The following EYA1 variants were observed in gnomAD, a reference collection of about 807,000 sequenced individuals.
EYA1 encodes the protein protein phosphatase EYA1.
Under a neutral mutation model 82.0 loss-of-function variants are expected in EYA1, and 16 were observed. The ratio of observed to expected loss-of-function variants is 0.20; its 90% CI spans 0.13 to 0.30. The LOEUF (loss-of-function observed/expected upper bound fraction) is 0.30. EYA1 is among the 10% of genes least tolerant of loss of function. The probability of loss-of-function intolerance (pLI) is 1.00; values close to 1 mark genes in which losing one functional copy is unlikely to be tolerated. For missense variants in EYA1, 633 were observed against 730.7 expected, an observed-to-expected ratio of 0.87 and a Z score of 1.54; for synonymous variants, 261 against 264.4, an observed-to-expected ratio of 0.99 and a Z score of 0.12.
intron 2 of EYA1, among the ~76,000 whole-genome samples, chr8:71,369,874 T>A (rs1827982163): frequency 6.6e-6 from 1 of 152,190 alleles, no homozygotes. Context: ...TAGGGCATTA[T>A]CATTATAGGA....
intron 2 of EYA1, among the ~76,000 whole-genome samples, chr8:71,399,003 C>A (rs776293839): frequency 2.6e-5 from 4 of 152,194 alleles, no homozygotes; most frequent in Non-Finnish European, 5.9e-5. Flanking sequence ...GGCAGATGCC[C>A]CTCCGACAGC....
At chr8:71,510,452 A>C (rs1676427340) in intron 2 of EYA1, among the ~76,000 whole-genome samples, 1 of 152,194 alleles carries the variant, frequency 6.6e-6, no homozygotes, top group African/African-American at 2.4e-5. Context: ...TAAAGAAAAG[A>C]GGCTTAATTG....
intron 2 of EYA1, among the ~76,000 whole-genome samples, chr8:71,433,455 A>T (rs1395208718): frequency 6.6e-6 from 1 of 152,186 alleles, no homozygotes; most frequent in Non-Finnish European, 1.5e-5. Context: ...AATGAGGAAA[A>T]TATCCAGTCC....
intron 3 of EYA1, among the ~76,000 whole-genome samples, chr8:71,347,687 T>C (rs917061011): frequency 6.6e-6 from 1 of 152,152 alleles, no homozygotes; most frequent in Non-Finnish European, 1.5e-5. Flanking sequence ...CAAAAAGGAT[T>C]CTTTCCACTT....
intron 4 of EYA1, among the ~76,000 whole-genome samples, chr8:71,328,231 G>T (rs2129040263): frequency 6.6e-6 from 1 of 152,282 alleles, no homozygotes; most frequent in Admixed American, 6.5e-5. Flanking sequence ...ACAGCTTGGA[G>T]TTAAGGGCTT....
intron 2 of EYA1, among the ~76,000 whole-genome samples, chr8:71,398,692 G>C (rs901620999): frequency 6.6e-6 from 1 of 152,228 alleles, no homozygotes; most frequent in Non-Finnish European, 1.5e-5. Context: ...TGTATGAGCT[G>C]TCAGTCAGTC....
chr8:71,454,415 G>A (rs1438264615), intron 2 of EYA1, among the ~76,000 whole-genome samples: 1 of 152,174 alleles, frequency 6.6e-6, no homozygotes, highest in African/African-American at 2.4e-5. Flanking sequence ...TCTGCACCAA[G>A]CGGACTTAAT....
At chr8:71,322,813 G>A (rs1019547736) in intron 4 of EYA1, among the ~76,000 whole-genome samples, 3 of 152,124 alleles carry the variant, frequency 2.0e-5, no homozygotes, top group Non-Finnish European at 4.4e-5. Flanking sequence ...GTAAAAATGC[G>A]TTCCTATAAC....
At chr8:71,384,297 G>A (rs746182557) in intron 2 of EYA1, among the ~76,000 whole-genome samples, 3 of 152,086 alleles carry the variant, frequency 2.0e-5, no homozygotes, top group African/African-American at 7.2e-5. Flanking sequence ...CTCTGTGTAC[G>A]TTTCTTCTTC....
At chr8:71,476,517 G>A (rs1809677386) in intron 2 of EYA1, among the ~76,000 whole-genome samples, 1 of 151,888 alleles carries the variant, frequency 6.6e-6, no homozygotes, top group Non-Finnish European at 1.5e-5. Context: ...ATTCAACCAA[G>A]GAAGGTCAAG....
At chr8:71,363,417 A>G (rs1288110107), upstream of EYA1, among the ~76,000 whole-genome samples, 1 of 152,170 alleles carries the variant, frequency 6.6e-6, no homozygotes, top group Non-Finnish European at 1.5e-5. Flanking sequence ...AGAAAAGAAC[A>G]CTTTGTCAAA....
intron 2 of EYA1, among the ~76,000 whole-genome samples, chr8:71,471,503 T>A (rs1284608732): frequency 6.6e-6 from 1 of 152,064 alleles, no homozygotes; most frequent in Non-Finnish European, 1.5e-5. Context: ...GACATCTATA[T>A]GTAGATGATC....
chr8:71,210,096 G>T (rs2128831386), intron 17 of EYA1, among the ~76,000 whole-genome samples: 1 of 152,292 alleles, frequency 6.6e-6, no homozygotes, highest in African/African-American at 2.4e-5. Flanking sequence ...GACAAGGAAA[G>T]GGAAACAGAG....
intron 2 of EYA1, among the ~76,000 whole-genome samples, chr8:71,388,395 A>G (rs575344545): frequency 1.2e-4 from 18 of 152,322 alleles, no homozygotes; most frequent in African/African-American, 3.1e-4. Context: ...GACAATAGAA[A>G]AAAGAAAGCC....
intron 2 of EYA1, among the ~76,000 whole-genome samples, chr8:71,390,270 T>TC (rs1829202361): frequency 6.6e-6 from 1 of 150,940 alleles, no homozygotes. Flanking sequence ...ATTGGATAAT[T>TC]CTTTTTTTTT....
At chr8:71,348,376 G>C (rs1024143594) in intron 3 of EYA1, among the ~76,000 whole-genome samples, 1 of 152,184 alleles carries the variant, frequency 6.6e-6, no homozygotes, top group South Asian at 2.1e-4. Flanking sequence ...TCCCAGGAGG[G>C]AACCAGAGGT....
chr8:71,220,185 C>G (rs775430410), intron 12 of EYA1, among the ~76,000 whole-genome samples: 2 of 152,124 alleles, frequency 1.3e-5, no homozygotes, highest in Non-Finnish European at 2.9e-5. Context: ...GAGTACAGAA[C>G]ATACATAATT....
chr8:71,369,539 G>A (rs1196223481), intron 2 of EYA1, among the ~76,000 whole-genome samples: 2 of 152,106 alleles, frequency 1.3e-5, no homozygotes, highest in African/African-American at 4.8e-5. Context: ...TTACCAAATT[G>A]GTATGTGGAT....
At chr8:71,440,320 T>C (rs1439571292) in intron 2 of EYA1, among the ~76,000 whole-genome samples, 5 of 152,188 alleles carry the variant, frequency 3.3e-5, no homozygotes, top group Non-Finnish European at 7.3e-5. Context: ...AGCAGTTTTG[T>C]GCTTTAGAAA....
Sources: gnomAD v4.1 joint callset for allele counts (sites outside exome capture counted in the v4.1 genomes callset) on GRCh38, gnomAD v4.1.1 for gene constraint, MANE v1.5 for transcripts, NCBI Gene and HGNC (gene_info 2026-07-23, HGNC 2026-07-21) for gene names.